Variants in MICAL3 observed in about 807,000 individuals in gnomAD.
MICAL3 encodes [F-actin]-monooxygenase MICAL3.
Under a neutral mutation model 207.4 loss-of-function variants are expected in MICAL3, and 62 were observed. That is an observed-to-expected ratio of 0.30 (90% CI 0.24 to 0.37). The LOEUF (loss-of-function observed/expected upper bound fraction) is 0.37. MICAL3 is among the 10% of genes least tolerant of loss of function. MICAL3 has a pLI of 1.00. For synonymous variants in MICAL3, 1,077 were observed against 1,069.3 expected (o/e 1.01, Z -0.14); for missense variants, 2,368 against 2,635.6 (o/e 0.90, Z 2.22).
chr22:17,986,783 A>T (rs530633796), intron 1 of MICAL3, among the ~76,000 whole-genome samples: 1 of 152,276 alleles, frequency 6.6e-6, no homozygotes, highest in African/African-American at 2.4e-5. Context: ...ACACTTCCCT[A>T]TTTCTAGTTT....
In MICAL3 at chr22:17,789,393, G is replaced by A. The variant is rs2061808615; in HGVS notation, c.*1339C>T. 6.6e-6 allele frequency: 1 copy of A among 152,280 alleles called. No individual in the cohort carries two copies. Among genetic ancestry groups the A allele is most frequent in the Non-Finnish European group, 1.5e-5 (1 of 68,064 alleles). 9.4% of individuals were successfully genotyped at this position (152,280 alleles called of 1,614,324 possible). ...AACCTTCTTTAACATATGTGCGGAG[G>A]AAGGTGATGCCCTGGCCCCCAAACT... is the stretch of plus-strand genomic sequence containing the variant. On this transcript the variant is annotated 3_prime_UTR_variant, in exon 32 of 32. Coordinates refer to ENST00000441493, the MANE Select transcript of MICAL3 (RefSeq NM_015241.3).
At chr22:17,996,564 A>T (rs1922302272) in intron 1 of MICAL3, among the ~76,000 whole-genome samples, 1 of 152,180 alleles carries the variant, frequency 6.6e-6, no homozygotes, top group Non-Finnish European at 1.5e-5. Flanking sequence ...CCAAGAAAAC[A>T]GCAAGTCACG....
intron 1 of MICAL3, among the ~76,000 whole-genome samples, chr22:17,971,081 G>A (rs1398010905): frequency 6.6e-6 from 1 of 152,172 alleles, no homozygotes; most frequent in East Asian, 1.9e-4. Context: ...GGTGGCTGAG[G>A]TGGGAAGACC....
At chr22:17,918,922 C>G (rs779486781) in intron 1 of MICAL3, among the ~76,000 whole-genome samples, 24 of 152,196 alleles carry the variant, frequency 1.6e-4, no homozygotes, top group East Asian at 1.9e-4. Context: ...AGGGCACGAG[C>G]CTTCTAATGC....
At chr22:17,844,868 G>A (rs570550796) in intron 19 of MICAL3, among the ~76,000 whole-genome samples, 5 of 152,218 alleles carry the variant, frequency 3.3e-5, no homozygotes, top group East Asian at 1.9e-4. Flanking sequence ...TGATAGATCC[G>A]GCCTCAAGTT....
intron 11 of MICAL3, among the ~76,000 whole-genome samples, chr22:17,892,335 C>T (rs901753972): frequency 6.6e-6 from 1 of 152,178 alleles, no homozygotes; most frequent in Non-Finnish European, 1.5e-5. Context: ...TTTAAAAATC[C>T]TATTATTAAT....
chr22:17,880,298 A>C (rs1929302163), intron 16 of MICAL3, among the ~76,000 whole-genome samples: 1 of 152,230 alleles, frequency 6.6e-6, no homozygotes, highest in Non-Finnish European at 1.5e-5. Context: ...AGCCAGTAAC[A>C]GCACCTGCCT....
intron 20 of MICAL3, among the ~76,000 whole-genome samples, chr22:17,833,310 C>CCTG (rs35950984): frequency 0.3 from 45,671 of 152,048 alleles, 6,973 homozygotes; most frequent in African/African-American, 0.35. Flanking sequence ...AGAGGCCTTG[C>CCTG]CTGCAGTGAG....
At chr22:17,959,014 T>G (rs1332592059) in intron 1 of MICAL3, among the ~76,000 whole-genome samples, 4 of 129,148 alleles carry the variant, frequency 3.1e-5, no homozygotes, top group African/African-American at 1.3e-4. Flanking sequence ...CCTGGGGTTT[T>G]TTTTTTTTTT....
At chr22:17,909,799 A>G (rs980820270) in intron 1 of MICAL3, among the ~76,000 whole-genome samples, 7 of 152,244 alleles carry the variant, frequency 4.6e-5, no homozygotes, top group East Asian at 1.9e-4. Context: ...GCTTATGTGA[A>G]GGCAGGAGAA....
intron 1 of MICAL3, among the ~76,000 whole-genome samples, chr22:17,975,431 T>C (rs1299924736): frequency 6.6e-6 from 1 of 152,126 alleles, no homozygotes; most frequent in Non-Finnish European, 1.5e-5. Flanking sequence ...TTTCTGGTAT[T>C]TCTGAGAACT....
intron 20 of MICAL3, among the ~76,000 whole-genome samples, chr22:17,839,258 A>ATTTTTTTTTTTTTTT: frequency 9.1e-6 from 1 of 110,394 alleles, no homozygotes; most frequent in Non-Finnish European, 1.8e-5. Flanking sequence ...CGGGCTCTTC[A>ATTTTTTTTTTTTTTT]TTTTTTTTTT....
At chr22:17,990,599 T>C (rs1187205531) in intron 1 of MICAL3, among the ~76,000 whole-genome samples, 2 of 152,102 alleles carry the variant, frequency 1.3e-5, no homozygotes, top group African/African-American at 2.4e-5. Context: ...TAGTAACCGG[T>C]ATAGTACAGC....
intron 1 of MICAL3, chr22:18,001,569 A>G (rs1923021110): frequency 6.6e-6 from 1 of 152,182 alleles, no homozygotes; most frequent in South Asian, 2.1e-4. Context: ...GGACCACGGG[A>G]CCCCAGCCTC....
chr22:17,801,218 T>C (rs1439342989), intron 29 of MICAL3, among the ~76,000 whole-genome samples: 3 of 50,286 alleles, frequency 6.0e-5, no homozygotes, highest in Admixed American at 1.7e-4. Context: ...AGTGGCGGGA[T>C]CTCGGCTCAC....
chr22:17,993,850 G>A (rs576522586), intron 1 of MICAL3, among the ~76,000 whole-genome samples: 4 of 152,240 alleles, frequency 2.6e-5, no homozygotes, highest in South Asian at 2.1e-4. Flanking sequence ...CCCCCAGGAC[G>A]GAGGTAACCC....
intron 1 of MICAL3, among the ~76,000 whole-genome samples, chr22:17,999,753 C>T (rs1922722353): frequency 6.6e-6 from 1 of 152,196 alleles, no homozygotes; most frequent in Admixed American, 6.5e-5. Flanking sequence ...ACTGAGGAAC[C>T]AGGTCTGAGT....
chr22:17,950,176 T>TG (rs1934264933), intron 1 of MICAL3, among the ~76,000 whole-genome samples: 1 of 151,686 alleles, frequency 6.6e-6, no homozygotes, highest in Non-Finnish European at 1.5e-5. Flanking sequence ...ATTTTTTTTT[T>TG]TGGAGACAAG....
rs780556721 is a variant in MICAL3 at position 17,793,187 on chromosome 22, C to T, written c.5651-1886G>A. 1.3e-5 allele frequency among the ~76,000 whole-genome samples: 2 copies of T among 152,218 alleles called. No individual in the cohort carries two copies. The highest frequency in any genetic ancestry group is 2.9e-5 in the Non-Finnish European group (2 of 68,036). On this transcript the variant is annotated intron_variant, in intron 29 of 31. Transcript: ENST00000441493. The surrounding 1 kb of genome is among the most constrained non-coding windows in gnomAD (Gnocchi z 4.1). ...TAAGAGTTAGCAGGGTTAGTCACGG[C>T]CACACCCCCCACATGCCTTTCAACG...
Sources: gnomAD v4.1 joint callset for allele counts (sites outside exome capture counted in the v4.1 genomes callset) on GRCh38, gnomAD v4.1.1 for gene constraint, Gnocchi (gnomAD v3.1) non-coding constraint, MANE v1.5 for transcripts, NCBI Gene and HGNC (gene_info 2026-07-23, HGNC 2026-07-21) for gene names.